Variants in LMOD1 observed in about 807,000 individuals in gnomAD.
LMOD1 encodes the protein leiomodin 1.
In LMOD1, 8 loss-of-function variants were observed where a neutral mutation model predicts 36.5. The observed-to-expected ratio is 0.22, with a 90% CI of 0.13 to 0.40. LMOD1 has a LOEUF of 0.40. Among genes scored for constraint, LMOD1 ranks in the 10% least tolerant of loss-of-function variants. LMOD1 has a pLI of 1.00. For missense variants in LMOD1, 630 were observed against 751.1 expected (o/e 0.84, Z 1.88); for synonymous variants, 284 against 288.7 (o/e 0.98, Z 0.17).
At chr1:201,915,538 T>C (rs781192964) in intron 1 of LMOD1, among the ~76,000 whole-genome samples, 29 of 151,916 alleles carry the variant, frequency 1.9e-4, no homozygotes, top group Non-Finnish European at 3.7e-4. Flanking sequence ...AAACACCCAG[T>C]GACTCCAATC....
At chr1:201,939,694 T>G (rs1682081166) in intron 1 of LMOD1, among the ~76,000 whole-genome samples, 1 of 152,144 alleles carries the variant, frequency 6.6e-6, no homozygotes, top group South Asian at 2.1e-4. Flanking sequence ...TTGGCAGGCA[T>G]GTAAATATTA....
intron 1 of LMOD1, among the ~76,000 whole-genome samples, chr1:201,926,925 C>A (rs1255329187): frequency 6.6e-6 from 1 of 152,082 alleles, no homozygotes; most frequent in Non-Finnish European, 1.5e-5. Flanking sequence ...CCACTGCACC[C>A]CAGCCTGGGC....
At chr1:201,944,885 C>A (rs529846466) in intron 1 of LMOD1, among the ~76,000 whole-genome samples, 1 of 152,138 alleles carries the variant, frequency 6.6e-6, no homozygotes, top group African/African-American at 2.4e-5. Flanking sequence ...AATTTCATAC[C>A]CAGCCAGTCA....
chr1:201,901,622 G>A (rs12729953), intron 1 of LMOD1, among the ~76,000 whole-genome samples: 727 of 16,364 alleles, frequency 0.044, 70 homozygotes, highest in African/African-American at 0.083. Context: ...ACATATATAT[G>A]TGTGTGTGTA....
chr1:201,927,277 T>C (rs1681840376), intron 1 of LMOD1, among the ~76,000 whole-genome samples: 1 of 152,080 alleles, frequency 6.6e-6, no homozygotes, highest in African/African-American at 2.4e-5. Context: ...ATTTTCTTGG[T>C]GATTTAAAAA....
chr1:201,945,792 G>T (rs1318264497), intron 1 of LMOD1, among the ~76,000 whole-genome samples: 1 of 152,144 alleles, frequency 6.6e-6, no homozygotes. Flanking sequence ...GAGTCAACTT[G>T]ACAATGGACT....
rs141245423 is a variant in LMOD1, at chr1:201,936,473, G to A, written c.261+9607C>T. On this transcript the variant is annotated intron_variant, in intron 1 of 2. Coordinates refer to ENST00000367288, the MANE Select transcript of LMOD1 (RefSeq NM_012134.3). The stretch of plus-strand genomic sequence containing the variant: ...GAACCCTGCTTACTTCCAAGGCCTC[G>A]TCTCCTCCAGGCTCCTTCCCCACTC... 2.3e-3 allele frequency among the ~76,000 whole-genome samples: 348 copies of A among 152,178 alleles called. 1 individual carries two copies. The highest frequency in any genetic ancestry group is 8.1e-3 in the African/African-American group (336 of 41,514).
intron 1 of LMOD1, among the ~76,000 whole-genome samples, chr1:201,922,977 A>C (rs1681731597): frequency 6.6e-6 from 1 of 152,040 alleles, no homozygotes; most frequent in Non-Finnish European, 1.5e-5. Flanking sequence ...GGTGCGCACC[A>C]CCATGCCCGG....
chr1:201,946,366 A>C lies in LMOD1; in HGVS notation c.-26T>G, dbSNP rs1005824994. 5 of 1,607,634 alleles carry C rather than the reference A, an allele frequency of 3.1e-6. No homozygotes were observed. Among genetic ancestry groups the C allele is most frequent in the Non-Finnish European group, 4.3e-6 (5 of 1,175,976 alleles). On this transcript the variant is annotated 5_prime_UTR_variant, in exon 1 of 3. Coordinates refer to ENST00000367288, the MANE Select transcript of LMOD1 (RefSeq NM_012134.3). ...CTTGGCAAAATGGGCTGTGGCTGCC[A>C]GGGGCTATCAGAGTCCTGGTGGGCA... is the stretch of plus-strand genomic sequence containing the variant.
chr1:201,938,362 C>T (rs1318889717), intron 1 of LMOD1, among the ~76,000 whole-genome samples: 3 of 152,182 alleles, frequency 2.0e-5, no homozygotes, highest in Non-Finnish European at 2.9e-5. Flanking sequence ...CTCCCCACCT[C>T]AGGTGATCTG....
intron 1 of LMOD1, among the ~76,000 whole-genome samples, chr1:201,933,935 G>A (rs1019758392): frequency 2.0e-5 from 3 of 152,124 alleles, no homozygotes; most frequent in Admixed American, 6.5e-5. Flanking sequence ...GCCAAGTTGG[G>A]AATTAGCCCC....
At chr1:201,901,870 A>C (rs1225449298) in intron 1 of LMOD1, among the ~76,000 whole-genome samples, 1 of 148,944 alleles carries the variant, frequency 6.7e-6, no homozygotes, top group Non-Finnish European at 1.5e-5. Flanking sequence ...ACATTTCCAA[A>C]GGAAAAAAAG....
At chr1:201,937,506 G>A (rs963038798) in intron 1 of LMOD1, among the ~76,000 whole-genome samples, 8 of 151,756 alleles carry the variant, frequency 5.3e-5, no homozygotes, top group African/African-American at 1.5e-4. Context: ...GCTCATGCCC[G>A]TAATCTCAGC....
Position 201,900,297 on chromosome 1 carries a change from A to T in LMOD1, c.716T>A (p.Met239Lys), listed in dbSNP as rs941293606. ...NTDTRKEGEK[M>K]KRAGGNTDMK... ...GTCTGTGTTCCCACCTGCTCTTTTCATCTTCTCACCCTCTTTTCTGGTGTC... is the reference window on the plus strand; with the variant it reads ...GTCTGTGTTCCCACCTGCTCTTTTCTTCTTCTCACCCTCTTTTCTGGTGTC... The change falls in exon 2 of 3, where the codon ATG becomes AAG. Residue 239 changes from methionine to lysine, a missense_variant. Physicochemically the swap from Met to Lys is moderately conservative, Grantham distance 95 (BLOSUM62 -1). This residue lies in a region of LMOD1 where 405 missense variants were observed against 400.6 expected (regional missense o/e 1.01). Transcript: ENST00000367288. 1 of 1,604,680 alleles carries T rather than the reference A, an allele frequency of 6.2e-7. No homozygotes were observed.
At chr1:201,933,282 T>C (rs889915431) in intron 1 of LMOD1, among the ~76,000 whole-genome samples, 1 of 151,488 alleles carries the variant, frequency 6.6e-6, no homozygotes, top group Non-Finnish European at 1.5e-5. Context: ...GGCTTGGTGG[T>C]GGACGCCTGT....
chr1:201,927,873 G>A (rs1261115110), intron 1 of LMOD1, among the ~76,000 whole-genome samples: 1 of 152,202 alleles, frequency 6.6e-6, no homozygotes, highest in Non-Finnish European at 1.5e-5. Context: ...TGGGAGTGCT[G>A]TGTTTGGAAT....
chr1:201,903,436 G>T (rs927892649), intron 1 of LMOD1, among the ~76,000 whole-genome samples: 2 of 152,200 alleles, frequency 1.3e-5, no homozygotes, highest in Non-Finnish European at 2.9e-5. Flanking sequence ...ACTCACTCAG[G>T]CCCCCAGGGA....
Position 201,897,385 on chromosome 1 carries a change from C to A in LMOD1, c.*987G>T, listed in dbSNP as rs1269088145. On this transcript the variant is annotated 3_prime_UTR_variant, in exon 3 of 3. Coordinates refer to ENST00000367288, the MANE Select transcript of LMOD1 (RefSeq NM_012134.3). Reference sequence around the variant, plus strand: ...CTGAGAACAACTCTGGCTACTGACTCCAGGCAGCAGGACTGGTTCAGGAGC... The same window carrying A: ...CTGAGAACAACTCTGGCTACTGACTACAGGCAGCAGGACTGGTTCAGGAGC... 1.3e-5 allele frequency: 2 copies of A among 156,072 alleles called. No individual in the cohort carries two copies. The highest frequency in any genetic ancestry group is 4.8e-5 in the African/African-American group (2 of 41,460). The allele number at this position is 156,072 out of a possible 1,614,324, so 9.7% of individuals were successfully genotyped here. A position where few individuals can be genotyped will look rare whatever the true frequency, so the allele number is the denominator to read the frequency against.
chr1:201,914,703 C>T (rs1385180676), intron 1 of LMOD1, among the ~76,000 whole-genome samples: 4 of 152,040 alleles, frequency 2.6e-5, no homozygotes, highest in Non-Finnish European at 5.9e-5. Context: ...ACAAACTCAC[C>T]TCCAGGCTCA....
Sources: allele counts gnomAD v4.1 joint callset (sites outside exome capture counted in the v4.1 genomes callset), GRCh38; gene constraint gnomAD v4.1.1; regional missense constraint gnomAD v4.1.1; transcripts MANE v1.5; gene names NCBI Gene and HGNC (gene_info 2026-07-23, HGNC 2026-07-21).